L3MBTL4: variants seen among roughly 807,000 people sequenced by gnomAD.
L3MBTL4 encodes lethal(3)malignant brain tumor-like protein 4.
A neutral mutation model predicts 84.5 loss-of-function variants in L3MBTL4; 70 were observed. The ratio of observed to expected loss-of-function variants is 0.83; its 90% CI spans 0.68 to 1.01. The LOEUF (loss-of-function observed/expected upper bound fraction) is 1.01, where lower values mean the gene tolerates loss of function less well. Among genes scored for constraint, L3MBTL4 ranks in the 50% least tolerant of loss-of-function variants. The probability of loss-of-function intolerance (pLI) is 0.00; values close to 1 mark genes in which losing one functional copy is unlikely to be tolerated. For missense variants in L3MBTL4, 715 were observed against 754.8 expected (o/e 0.95, Z 0.62); for synonymous variants, 274 against 259.8 (o/e 1.05, Z -0.52).
chr18:6,220,199 T>C (rs1293559952), intron 10 of L3MBTL4, among the ~76,000 whole-genome samples: 1 of 151,966 alleles, frequency 6.6e-6, no homozygotes, highest in African/African-American at 2.4e-5. Context: ...TAAACAATGG[T>C]AAATATAAGT....
intron 13 of L3MBTL4, among the ~76,000 whole-genome samples, chr18:6,155,123 A>G (rs1483427830): frequency 2.6e-5 from 4 of 152,204 alleles, no homozygotes; most frequent in African/African-American, 9.6e-5. Context: ...GGATTAGTCA[A>G]GGAGAATAAT....
At chr18:5,972,914 GAATAGAATAGAATAGAATAGAATAGAA>G (rs2052723146) in intron 16 of L3MBTL4, among the ~76,000 whole-genome samples, 1 of 28,140 alleles carries the variant, frequency 3.6e-5, no homozygotes, top group African/African-American at 2.3e-4. Flanking sequence ...GAATAGAATA[GAATAGAATAGAATAGAATAGAATAGAA>G]TAGAATAGAA....
intron 16 of L3MBTL4, chr18:6,030,684 A>T (rs1390642666): frequency 7.3e-6 from 7 of 963,212 alleles, no homozygotes; most frequent in Non-Finnish European, 8.6e-6. Flanking sequence ...AAATAAAAAA[A>T]TTTGTTTCAA....
intron 14 of L3MBTL4, among the ~76,000 whole-genome samples, chr18:6,136,443 T>G (rs2060030968): frequency 1.3e-5 from 2 of 152,332 alleles, no homozygotes; most frequent in South Asian, 4.1e-4. Context: ...CTACTCCCTT[T>G]GCACCCCTCA....
rs1268551459 is a variant in L3MBTL4, at chr18:6,071,836, G to GAA, written c.1444+9044_1444+9045insTT. Among the ~76,000 whole-genome samples the GAA allele has an allele frequency of 2.7e-4, 31 of 114,034 alleles. 1 individual carries two copies. Among genetic ancestry groups the GAA allele is most frequent in the African/African-American group, 1.4e-3 (29 of 20,984 alleles). 74.8% of individuals were successfully genotyped at this position (114,034 alleles called of 152,430 possible). A position where few individuals can be genotyped will look rare whatever the true frequency, so the allele number is the denominator to read the frequency against. On this transcript the variant is annotated intron_variant, in intron 16 of 18. Transcript: ENST00000317931. The stretch of plus-strand genomic sequence containing the variant: ...GAAAGGAAAGAAAGAAAGAAAGAAA[G>GAA]AGAAAGAGAGAGAGGGAGGGAGGGA...
intron 3 of L3MBTL4, among the ~76,000 whole-genome samples, chr18:6,310,228 G>C (rs1468496860): frequency 1.3e-5 from 2 of 152,208 alleles, no homozygotes; most frequent in Non-Finnish European, 2.9e-5. Flanking sequence ...CCTAAGCCAA[G>C]ACAGATGCAG....
At chr18:6,030,215 G>C (rs532047636) in intron 16 of L3MBTL4, 3 of 880,058 alleles carry the variant, frequency 3.4e-6, no homozygotes, top group Non-Finnish European at 4.1e-6. Flanking sequence ...ATTATTCCAA[G>C]GGAGGAAACT....
At chr18:6,006,914 T>C (rs1291615015) in intron 16 of L3MBTL4, among the ~76,000 whole-genome samples, 1 of 152,172 alleles carries the variant, frequency 6.6e-6, no homozygotes, top group Admixed American at 6.5e-5. Context: ...TTAAGTTGGG[T>C]TCATAGCTGA....
chr18:5,969,945 C>T (rs1337225769), intron 16 of L3MBTL4, among the ~76,000 whole-genome samples: 1 of 152,184 alleles, frequency 6.6e-6, no homozygotes, highest in Non-Finnish European at 1.5e-5. Context: ...ATTGGCACAC[C>T]AAACCATCTG....
chr18:6,344,167 A>C (rs539806057), intron 1 of L3MBTL4, among the ~76,000 whole-genome samples: 1 of 152,126 alleles, frequency 6.6e-6, no homozygotes, highest in African/African-American at 2.4e-5. Context: ...CAATGAAAAA[A>C]AGAGATGATT....
chr18:6,399,482 G>C (rs1460235601), intron 1 of L3MBTL4, among the ~76,000 whole-genome samples: 1 of 152,064 alleles, frequency 6.6e-6, no homozygotes, highest in African/African-American at 2.4e-5. Flanking sequence ...GCACCTAACT[G>C]TATAAGTGGC....
chr18:6,019,691 G>A (rs548408969), intron 16 of L3MBTL4, among the ~76,000 whole-genome samples: 1 of 152,276 alleles, frequency 6.6e-6, no homozygotes, highest in African/African-American at 2.4e-5. Flanking sequence ...TTACAATTCA[G>A]AGAAGTCAGG....
chr18:6,390,704 A>G (rs1285850084), intron 1 of L3MBTL4, among the ~76,000 whole-genome samples: 1 of 152,162 alleles, frequency 6.6e-6, no homozygotes, highest in Non-Finnish European at 1.5e-5. Context: ...GCACACCTCT[A>G]TGCACACAAA....
chr18:6,144,913 G>C (rs1340803060), intron 13 of L3MBTL4, among the ~76,000 whole-genome samples: 1 of 152,144 alleles, frequency 6.6e-6, no homozygotes, highest in Non-Finnish European at 1.5e-5. Context: ...AAGGAAGAAA[G>C]AGCCTGGGCC....
chr18:6,258,555 G>A (rs1005319541), intron 5 of L3MBTL4: 2 of 152,328 alleles, frequency 1.3e-5, no homozygotes, highest in Admixed American at 6.6e-5. Context: ...GGAACTACAA[G>A]TCTTAAAAGA....
At chr18:6,189,591 A>C (rs2044964431) in intron 12 of L3MBTL4, among the ~76,000 whole-genome samples, 1 of 152,256 alleles carries the variant, frequency 6.6e-6, no homozygotes, top group Non-Finnish European at 1.5e-5. Context: ...TCCAGATGTT[A>C]AAACTAGCAA....
At chr18:5,997,452 T>C (rs1170744369) in intron 16 of L3MBTL4, among the ~76,000 whole-genome samples, 1 of 152,216 alleles carries the variant, frequency 6.6e-6, no homozygotes, top group Non-Finnish European at 1.5e-5. Flanking sequence ...GCATATCTGA[T>C]TGCTTCCTCA....
chr18:6,302,516 G>A (rs927099333), intron 3 of L3MBTL4, among the ~76,000 whole-genome samples: 3 of 152,190 alleles, frequency 2.0e-5, no homozygotes, highest in East Asian at 3.8e-4. Flanking sequence ...ACCCCATGGC[G>A]CAAGCAAGGC....
rs539481677 is a variant in L3MBTL4 at position 6,125,989 on chromosome 18, G to T, written c.1199+12205C>A. ...AATAATATGTGGACCAATCATTTATGGACCAAATATGTGATCAATGTAACT... is the reference window on the plus strand; with the variant it reads ...AATAATATGTGGACCAATCATTTATTGACCAAATATGTGATCAATGTAACT... On this transcript the variant is annotated intron_variant, in intron 14 of 18. Transcript: ENST00000317931. Among the ~76,000 whole-genome samples the T allele has an allele frequency of 5.9e-5, 9 of 152,186 alleles. No individual in the cohort carries two copies. The South Asian group carries it at 1.9e-3, about 32-fold the overall frequency.
Sources: allele counts gnomAD v4.1 joint callset (sites outside exome capture counted in the v4.1 genomes callset), GRCh38; gene constraint gnomAD v4.1.1; transcripts MANE v1.5; gene names NCBI Gene and HGNC (gene_info 2026-07-23, HGNC 2026-07-21).